The following MBD3 variants were observed in gnomAD, a reference collection of about 807,000 sequenced individuals.
MBD3 encodes methyl-CpG binding domain protein 3, also known as methyl-CpG-binding domain protein 3.
In MBD3, 13 loss-of-function variants were observed where a neutral mutation model predicts 31.2. The observed-to-expected ratio is 0.42, with a 90% CI of 0.27 to 0.66. MBD3 has a LOEUF of 0.66. Among genes scored for constraint, MBD3 ranks in the 30% least tolerant of loss-of-function variants. The probability of loss-of-function intolerance (pLI) is 0.26; values close to 1 mark genes in which losing one functional copy is unlikely to be tolerated. For synonymous variants in MBD3, 223 were observed against 187.4 expected, an observed-to-expected ratio of 1.19 and a Z score of -1.55; for missense variants, 440 against 426.5, an observed-to-expected ratio of 1.03 and a Z score of -0.28.
At chr19:1,586,310 C>T (rs1019626612) in intron 1 of MBD3, 15 of 152,424 alleles carry the variant, frequency 9.8e-5, no homozygotes, top group African/African-American at 2.6e-4. Context: ...AGGAGCGAGG[C>T]TCTGACACAG....
intron 5 of MBD3, among the ~76,000 whole-genome samples, chr19:1,580,544 T>C (rs1246884700): frequency 2.0e-5 from 3 of 152,222 alleles, no homozygotes; most frequent in African/African-American, 7.2e-5. Context: ...TTCCAGAGTT[T>C]CCTGCAGGCG....
intron 4 of MBD3, 171 bp from the exon 5 acceptor site, chr19:1,581,440 A>C: frequency 1.4e-6 from 1 of 724,042 alleles, no homozygotes; most frequent in Non-Finnish European, 2.3e-6. Flanking sequence ...CTACATTCAT[A>C]ACAGAAAAAA....
chr19:1,581,016 G>T, intron 5 of MBD3, 76 bp downstream of exon 5: 1 of 1,562,286 alleles, frequency 6.4e-7, no homozygotes, highest in South Asian at 1.1e-5. Context: ...AAGCACGCAG[G>T]CACACGGGGA....
At chr19:1,590,865 T>C (rs1375167638) in intron 1 of MBD3, among the ~76,000 whole-genome samples, 1 of 152,192 alleles carries the variant, frequency 6.6e-6, no homozygotes, top group African/African-American at 2.4e-5. Context: ...GCCCCAGACC[T>C]GCAGAGGGCG....
Position 1,580,554 on chromosome 19 carries a change from G to A in MBD3, c.677+538C>T, listed in dbSNP as rs565662456. 1.3e-4 allele frequency among the ~76,000 whole-genome samples: 20 copies of A among 152,320 alleles called. No individual in the cohort carries two copies. The South Asian group carries it at 4.1e-3, about 32-fold the overall frequency. On this transcript the variant is annotated intron_variant, in intron 5 of 6. Coordinates refer to ENST00000434436, the MANE Select transcript of MBD3 (RefSeq NM_001281453.2). ...AGCACTTCCAGAGTTTCCTGCAGGCGCCTCCGTCACCAGGCGGCCTTGCGT... is the reference window on the plus strand; with the variant it reads ...AGCACTTCCAGAGTTTCCTGCAGGCACCTCCGTCACCAGGCGGCCTTGCGT...
chr19:1,578,266 A>G lies in MBD3; in HGVS notation c.*5+69T>C. 3.1e-6 allele frequency: 5 copies of G among 1,595,052 alleles called. No individual in the cohort carries two copies. Among genetic ancestry groups the G allele is most frequent in the South Asian group, 1.1e-5 (1 of 90,796 alleles). On this transcript the variant is annotated intron_variant, in intron 6 of 6. Coordinates refer to ENST00000434436, the MANE Select transcript of MBD3 (RefSeq NM_001281453.2). The surrounding 1 kb of genome is among the most constrained non-coding windows in gnomAD (Gnocchi z 6.1). ...GGGAGGCACCCGTCATCCCAAGCAC[A>G]TCTGTGTTCACCAGGCAGTCCCCAC...
chr19:1,584,936 G>T (rs994323252), intron 2 of MBD3, 119 bp downstream of exon 2: 3 of 1,399,318 alleles, frequency 2.1e-6, no homozygotes, highest in Admixed American at 3.9e-5. Context: ...TGTGCCCTCC[G>T]CCCGCTGTGA....
In MBD3 at chr19:1,578,392, T is replaced by A. The variant is rs1285562992; in HGVS notation, c.824A>T (p.Glu275Val). Reference protein sequence around the residue: ...ACAEDDDEEDEEEEEEEPDPD... With the variant: ...ACAEDDDEEDVEEEEEEPDPD... ...GTCGGGCTCCTCCTCCTCCTCCTCC[T>A]CGTCTTCCTCGTCGTCGTCCTCAGC... The change falls in exon 6 of 7, where the codon GAG (glutamate) becomes GTG (valine). Residue 275 changes from glutamate to valine, a missense_variant. Transcript: ENST00000434436. This position sits in a 1 kb window ranked among gnomAD's most constrained non-coding sequence, Gnocchi z 6.1. The A allele has an allele frequency of 6.2e-7, 1 of 1,603,652 alleles. No homozygotes were observed. Among genetic ancestry groups the A allele is most frequent in the Non-Finnish European group, 8.5e-7 (1 of 1,179,662 alleles).
intron 1 of MBD3, among the ~76,000 whole-genome samples, chr19:1,587,876 G>A (rs967218488): frequency 2.2e-5 from 3 of 134,634 alleles, no homozygotes; most frequent in Non-Finnish European, 1.8e-5. Flanking sequence ...CTGTTTTCCC[G>A]TTTTCCCAGA....
rs753783928 is a variant in MBD3, at chr19:1,582,688, C to T, written c.433G>A (p.Gly145Ser). Residue 145 changes from glycine to serine, a missense_variant, in exon 4 of 7, where the codon GGC becomes AGC. By Grantham distance (56) the Gly-to-Ser change is moderately conservative. This residue lies in a region of MBD3 where 144 missense variants were observed against 196.9 expected (regional missense o/e 0.73). Transcript: ENST00000434436. ...TCAGCAATGTCGAAGGCGTTCAGGC[C>T]GCTCAGCTTCTTCTCCCAGAAGAGC... ...RQLFWEKKLS[G>S]LNAFDIAEEL... is the part of the protein sequence containing the mutation. The T allele has an allele frequency of 5.6e-6, 9 of 1,613,824 alleles. No homozygotes were observed. Among genetic ancestry groups the T allele is most frequent in the Non-Finnish European group, 7.6e-6 (9 of 1,179,992 alleles).
At chr19:1,587,563 C>T (rs962905232) in intron 1 of MBD3, among the ~76,000 whole-genome samples, 1 of 152,110 alleles carries the variant, frequency 6.6e-6, no homozygotes, top group African/African-American at 2.4e-5. Flanking sequence ...TACACGTGTG[C>T]ACCACCATGC....
At chr19:1,587,301 C>T (rs557288310) in intron 1 of MBD3, among the ~76,000 whole-genome samples, 1 of 152,052 alleles carries the variant, frequency 6.6e-6, no homozygotes, top group East Asian at 1.9e-4. Context: ...AGGGTCTCAC[C>T]ATGTTACCCA....
chr19:1,580,456 C>T (rs1027893339), intron 5 of MBD3, among the ~76,000 whole-genome samples: 9 of 152,248 alleles, frequency 5.9e-5, no homozygotes, highest in East Asian at 5.8e-4. Context: ...TTTCTGGAAC[C>T]GTCAAGTTTC....
At position 1,592,689 on chromosome 19, in the gene MBD3, GCCGCCGCCGCCTCAGCTGCCT is replaced by G. The variant is rs916523388; in HGVS notation, c.-79_-59del. On this transcript the variant is annotated 5_prime_UTR_variant, in exon 1 of 7. Transcript: ENST00000434436. ...GCCGCCGCCGCCCGGACCCCCACTC[GCCGCCGCCGCCTCAGCTGCCT>G]CCGCTGCCGCTGCCGCCGCCGCCAC... 2 of 591,470 alleles carry G rather than the reference GCCGCCGCCGCCTCAGCTGCCT, an allele frequency of 3.4e-6. No individual in the cohort carries two copies. Among genetic ancestry groups the G allele is most frequent in the Non-Finnish European group, 4.4e-6 (2 of 456,638 alleles). 36.6% of individuals were successfully genotyped at this position (591,470 alleles called of 1,614,324 possible). A position where few individuals can be genotyped will look rare whatever the true frequency, so the allele number is the denominator to read the frequency against.
chr19:1,587,262 G>T (rs995011124), intron 1 of MBD3, among the ~76,000 whole-genome samples: 1 of 152,000 alleles, frequency 6.6e-6, no homozygotes, highest in Admixed American at 6.6e-5. Context: ...ACCGCGCCCA[G>T]CCAATTTTTA....
At chr19:1,589,465 C>T (rs776590248) in intron 1 of MBD3, among the ~76,000 whole-genome samples, 3 of 151,692 alleles carry the variant, frequency 2.0e-5, no homozygotes, top group Non-Finnish European at 4.4e-5. Context: ...CCAGCCTGGC[C>T]AACATGGTGA....
chr19:1,583,548 G>C (rs2060663261), intron 3 of MBD3, among the ~76,000 whole-genome samples: 1 of 151,894 alleles, frequency 6.6e-6, no homozygotes, highest in African/African-American at 2.4e-5. Flanking sequence ...ATATTTGGGG[G>C]GAAAAAAAAT....
intron 1 of MBD3, chr19:1,586,440 G>A (rs1568276959): frequency 6.6e-6 from 1 of 152,384 alleles, no homozygotes; most frequent in East Asian, 1.9e-4. Context: ...TTCAGAGACA[G>A]GAAGGGGACG....
At chr19:1,592,251 G>A (rs983752030) in intron 1 of MBD3, 3 of 155,110 alleles carry the variant, frequency 1.9e-5, no homozygotes, top group African/African-American at 7.2e-5. Flanking sequence ...CCGCCGCCAG[G>A]CGCCCCTGGC....
Sources: allele counts gnomAD v4.1 joint callset (sites outside exome capture counted in the v4.1 genomes callset), GRCh38; gene constraint gnomAD v4.1.1; regional missense constraint gnomAD v4.1.1; non-coding constraint Gnocchi (gnomAD v3.1); transcripts MANE v1.5; gene names NCBI Gene and HGNC (gene_info 2026-07-23, HGNC 2026-07-21).